MAGI2: variants seen among roughly 807,000 people sequenced by gnomAD.
MAGI2 encodes membrane associated guanylate kinase, WW and PDZ domain containing 2.
In MAGI2, 35 loss-of-function variants were observed where a neutral mutation model predicts 133.3. The observed-to-expected ratio is 0.26, with a 90% confidence interval of 0.20 to 0.35. The LOEUF (loss-of-function observed/expected upper bound fraction) is 0.35, where lower values mean the gene tolerates loss of function less well. MAGI2 is among the 10% of genes least tolerant of loss of function. The pLI is 1.00. For missense variants in MAGI2, 1,636 were observed against 1,863.4 expected (o/e 0.88, Z 2.25); for synonymous variants, 729 against 710.6 (o/e 1.03, Z -0.41).
intron 2 of MAGI2, among the ~76,000 whole-genome samples, chr7:78,998,188 G>T (rs542814435): frequency 6.6e-6 from 1 of 152,032 alleles, no homozygotes; most frequent in African/African-American, 2.4e-5. Flanking sequence ...TAATTTAAAC[G>T]CACCTCTTTA....
rs555412506 is a variant in MAGI2, at chr7:79,305,454, C to A, written c.301+147566G>T. Among the ~76,000 whole-genome samples the A allele has an allele frequency of 3.9e-5, 6 of 152,094 alleles. No homozygotes were observed. In the East Asian group the frequency reaches 1.2e-3, roughly 29 times the overall value. ...GAAGATCCCAAAGGGAGAACATTGA[C>A]GTATTAATACCTCATTCTTTCACAA... On this transcript the variant is annotated intron_variant, in intron 1 of 21. Coordinates refer to ENST00000354212, the MANE Select transcript of MAGI2 (RefSeq NM_012301.4).
intron 21 of MAGI2, among the ~76,000 whole-genome samples, chr7:78,063,922 G>A (rs989697985): frequency 6.6e-6 from 1 of 152,052 alleles, no homozygotes; most frequent in Admixed American, 6.6e-5. Flanking sequence ...ACAGGCCTGG[G>A]GTCACAGGTG....
At chr7:78,284,642 C>CT (rs1380835265) in intron 9 of MAGI2, among the ~76,000 whole-genome samples, 2 of 151,984 alleles carry the variant, frequency 1.3e-5, no homozygotes, top group Non-Finnish European at 2.9e-5. Flanking sequence ...GTTCACTGAG[C>CT]TGTAAGGTAG....
intron 1 of MAGI2, among the ~76,000 whole-genome samples, chr7:79,204,420 T>C (rs1027423789): frequency 1.3e-5 from 2 of 152,070 alleles, no homozygotes; most frequent in Admixed American, 6.5e-5. Context: ...AGGCTTCTAG[T>C]AGCACTTCAC....
chr7:78,367,401 G>A (rs1333670374), intron 7 of MAGI2, among the ~76,000 whole-genome samples: 5 of 152,180 alleles, frequency 3.3e-5, no homozygotes, highest in Non-Finnish European at 7.3e-5. Flanking sequence ...ACAACCGGAA[G>A]AATTAAAATA....
intron 10 of MAGI2, among the ~76,000 whole-genome samples, chr7:78,227,502 C>T (rs1225631764): frequency 6.6e-6 from 1 of 152,130 alleles, no homozygotes; most frequent in Non-Finnish European, 1.5e-5. Flanking sequence ...AAGTCCTTTT[C>T]CCCCTTCTCT....
At chr7:78,188,650 C>T (rs754715934) in intron 12 of MAGI2, among the ~76,000 whole-genome samples, 16 of 152,136 alleles carry the variant, frequency 1.1e-4, no homozygotes, top group African/African-American at 3.4e-4. Context: ...TTAATGCCAT[C>T]GGACACCAGC....
chr7:79,320,763 C>A (rs1839124321), intron 1 of MAGI2, among the ~76,000 whole-genome samples: 1 of 151,846 alleles, frequency 6.6e-6, no homozygotes. Flanking sequence ...ATCATGTATC[C>A]ATATGTTGAT....
chr7:78,466,480 C>T (rs1212045375), intron 6 of MAGI2, among the ~76,000 whole-genome samples: 2 of 152,098 alleles, frequency 1.3e-5, no homozygotes, highest in African/African-American at 4.8e-5. Flanking sequence ...TTTGCATGCG[C>T]CTAATTTAAG....
At chr7:79,062,590 T>C (rs1813861395) in intron 1 of MAGI2, among the ~76,000 whole-genome samples, 1 of 152,178 alleles carries the variant, frequency 6.6e-6, no homozygotes, top group East Asian at 1.9e-4. Context: ...TATTTTCTGC[T>C]CAGTTATTTG....
At chr7:78,824,337 T>C (rs111832291) in intron 2 of MAGI2, among the ~76,000 whole-genome samples, 22,952 of 152,206 alleles carry the variant, frequency 0.15, 2,186 homozygotes, top group African/African-American at 0.27. Context: ...TTCTAGATCC[T>C]TGAGGAATCG....
At chr7:78,489,612 T>G (rs1793403091) in intron 6 of MAGI2, 149 bp downstream of exon 6, 2 of 676,182 alleles carry the variant, frequency 3.0e-6, no homozygotes, top group East Asian at 2.5e-5. Context: ...AAATGCCGAG[T>G]TAATTCTCTC....
At chr7:78,607,412 G>A (rs1478009388) in intron 3 of MAGI2, among the ~76,000 whole-genome samples, 2 of 151,098 alleles carry the variant, frequency 1.3e-5, no homozygotes, top group Non-Finnish European at 2.9e-5. Context: ...AGGCCCAGTA[G>A]TTGTTAGAAG....
At chr7:79,340,660 G>A (rs1997277) in intron 1 of MAGI2, among the ~76,000 whole-genome samples, 144,405 of 152,180 alleles carry the variant, frequency 0.95, 68,652 homozygotes, top group Non-Finnish European at 0.98. Flanking sequence ...TTGTCTATTG[G>A]AAGAGTTGTT....
intron 9 of MAGI2, among the ~76,000 whole-genome samples, chr7:78,293,013 C>T (rs149833503): frequency 0.18 from 27,633 of 152,150 alleles, 3,241 homozygotes; most frequent in Middle Eastern, 0.29. Context: ...CCATTCAGGA[C>T]ATAGGCATGG....
At chr7:78,044,700 T>C (rs796782028) in intron 21 of MAGI2, among the ~76,000 whole-genome samples, 37 of 88,194 alleles carry the variant, frequency 4.2e-4, no homozygotes, top group African/African-American at 1.8e-3. Flanking sequence ...TGTGTGTGTG[T>C]GTGTGCACGT....
chr7:78,207,803 C>G (rs959730188), intron 10 of MAGI2, among the ~76,000 whole-genome samples: 3 of 152,206 alleles, frequency 2.0e-5, no homozygotes, highest in Admixed American at 6.5e-5. Context: ...GTTAGCCAAG[C>G]AATACGTTCA....
intron 2 of MAGI2, among the ~76,000 whole-genome samples, chr7:78,789,818 A>G (rs1244316315): frequency 1.3e-5 from 2 of 152,206 alleles, no homozygotes; most frequent in East Asian, 3.9e-4. Context: ...CTTTTTAGTT[A>G]GCATATAAAA....
At chr7:78,262,001 A>T (rs1793563051) in intron 9 of MAGI2, among the ~76,000 whole-genome samples, 1 of 152,150 alleles carries the variant, frequency 6.6e-6, no homozygotes. Context: ...GGTATGTCAT[A>T]CCAGTAGAGT....
Sources: allele counts gnomAD v4.1 joint callset (sites outside exome capture counted in the v4.1 genomes callset), GRCh38; gene constraint gnomAD v4.1.1; transcripts MANE v1.5; gene names NCBI Gene and HGNC (gene_info 2026-07-23, HGNC 2026-07-21).